Variants in RELCH observed in about 807,000 individuals in gnomAD.
RELCH encodes the protein RAB11 binding and LisH domain, coiled-coil and HEAT repeat containing.
Under a neutral mutation model 150.3 loss-of-function variants are expected in RELCH, and 41 were observed. The ratio of observed to expected loss-of-function variants is 0.27; its 90% CI spans 0.21 to 0.35. The LOEUF (loss-of-function observed/expected upper bound fraction) is 0.35. RELCH is among the 10% of genes least tolerant of loss of function. The pLI is 1.00. For synonymous variants in RELCH, 478 were observed against 531.8 expected, an observed-to-expected ratio of 0.90 and a Z score of 1.39; for missense variants, 1,092 against 1,467.8, an observed-to-expected ratio of 0.74 and a Z score of 4.18.
chr18:62,300,247 C>A (rs1308707815), intron 28 of RELCH: 1 of 152,154 alleles, frequency 6.6e-6, no homozygotes, highest in Non-Finnish European at 1.5e-5. Context: ...GGGTCTAGAT[C>A]TAGAGACTTA....
At chr18:62,283,302 T>C (rs1021166484) in intron 25 of RELCH, among the ~76,000 whole-genome samples, 6 of 152,212 alleles carry the variant, frequency 3.9e-5, no homozygotes, top group African/African-American at 1.2e-4. Context: ...AGAGTCTCTT[T>C]TACTGTGGGC....
intron 1 of RELCH, among the ~76,000 whole-genome samples, chr18:62,189,730 T>C (rs1225626013): frequency 1.3e-5 from 2 of 152,208 alleles, no homozygotes; most frequent in Non-Finnish European, 2.9e-5. Flanking sequence ...TTGCAAACTT[T>C]TTGTATTGAA....
chr18:62,263,880 G>T, intron 16 of RELCH, 109 bp from the exon 17 acceptor site: 1 of 720,470 alleles, frequency 1.4e-6, no homozygotes, highest in Non-Finnish European at 2.2e-6. Context: ...TTTACAATAA[G>T]AAAGTAATTA....
intron 19 of RELCH, among the ~76,000 whole-genome samples, chr18:62,267,484 ATGTGTG>A (rs36203741): frequency 0.024 from 3,196 of 135,700 alleles, 80 homozygotes; most frequent in African/African-American, 0.065. Context: ...CTAGGTATAT[ATGTGTG>A]TGTGTGTGTG....
intron 28 of RELCH, among the ~76,000 whole-genome samples, chr18:62,301,353 G>T (rs989602879): frequency 1.3e-5 from 2 of 152,182 alleles, no homozygotes; most frequent in Non-Finnish European, 2.9e-5. Context: ...AAACTTTTTT[G>T]TAGAGATAGT....
In RELCH at chr18:62,227,408, T is replaced by A. The variant is rs1344027802; in HGVS notation, c.978T>A (p.Ser326Arg). The change falls in exon 6 of 29, where the codon AGT becomes AGA. Residue 326 changes from serine to arginine, a missense_variant. Ser to Arg is a moderately radical substitution (Grantham distance 110). Around this residue, in one of 4 missense-constraint regions of RELCH, gnomAD observed 57 missense variants for 41.5 expected, o/e 1.37. Transcript: ENST00000644646. ...VTGKDLVDVA[S>R]GVEEDELEAL... Reference sequence around the variant, plus strand: ...GAAAAGATCTTGTAGATGTGGCCAGTGGAGTAGAAGAAGATGAATTAGAGG... The same window carrying A: ...GAAAAGATCTTGTAGATGTGGCCAGAGGAGTAGAAGAAGATGAATTAGAGG... 2 of 1,613,222 alleles carry A rather than the reference T, an allele frequency of 1.2e-6. No individual in the cohort carries two copies. The highest frequency in any genetic ancestry group is 1.3e-5 in the African/African-American group (1 of 74,960).
intron 14 of RELCH, 96 bp downstream of exon 14, chr18:62,258,184 T>A: frequency 8.6e-7 from 1 of 1,163,946 alleles, no homozygotes; most frequent in Non-Finnish European, 1.2e-6. Context: ...TAATGTATCA[T>A]AAGGATGGCA....
intron 10 of RELCH, among the ~76,000 whole-genome samples, chr18:62,240,269 A>G (rs780480667): frequency 2.0e-4 from 31 of 151,888 alleles, no homozygotes; most frequent in South Asian, 6.2e-4. Context: ...TCCATCCCCA[A>G]TTGTTTTCAG....
intron 16 of RELCH, among the ~76,000 whole-genome samples, chr18:62,262,975 C>T (rs1322626947): frequency 6.6e-6 from 1 of 151,974 alleles, no homozygotes; most frequent in Non-Finnish European, 1.5e-5. Flanking sequence ...TGTTTCTTGG[C>T]TTTTAGATGC....
At chr18:62,253,866 A>G (rs995258923) in intron 12 of RELCH, among the ~76,000 whole-genome samples, 15 of 152,156 alleles carry the variant, frequency 9.9e-5, no homozygotes, top group Admixed American at 9.2e-4. Context: ...ATAACTTTCA[A>G]TTTACAATTC....
intron 11 of RELCH, among the ~76,000 whole-genome samples, chr18:62,248,354 C>T (rs1349877132): frequency 1.3e-5 from 2 of 152,142 alleles, no homozygotes; most frequent in Non-Finnish European, 2.9e-5. Context: ...CCAGTAAACT[C>T]CCTCAACAGT....
rs1231924774 is a variant in RELCH at position 62,305,594 on chromosome 18, T to A, written c.*60T>A. ...GGACCTCAAGCCGACTGGTTCCTTG[T>A]ACTTGAAGTACTTGCCTTTTTTGTT... On this transcript the variant is annotated 3_prime_UTR_variant, in exon 29 of 29. Coordinates refer to ENST00000644646, the MANE Select transcript of RELCH (RefSeq NM_001346231.2). This position sits in a 1 kb window ranked among gnomAD's most constrained non-coding sequence, Gnocchi z 4.0. The A allele has an allele frequency of 3.3e-6, 5 of 1,498,638 alleles. No homozygotes were observed. Among genetic ancestry groups the A allele is most frequent in the Non-Finnish European group, 4.5e-6 (5 of 1,119,624 alleles). 92.8% of individuals were successfully genotyped at this position (1,498,638 alleles called of 1,614,324 possible).
At chr18:62,287,524 C>A in intron 26 of RELCH, 57 bp downstream of exon 26, 1 of 909,818 alleles carries the variant, frequency 1.1e-6, no homozygotes, top group Non-Finnish European at 1.8e-6. Context: ...TAGAGTGGAA[C>A]TTGGTTGGTA....
chr18:62,302,730 G>A (rs753140678), intron 28 of RELCH, among the ~76,000 whole-genome samples: 38 of 152,070 alleles, frequency 2.5e-4, no homozygotes, highest in Non-Finnish European at 4.4e-4. Context: ...TCACCATGTC[G>A]GCCAGGCTGG....
chr18:62,282,404 T>G lies in RELCH; in HGVS notation c.3213T>G (p.Gly1071=), dbSNP rs1462545503. The G allele has an allele frequency of 3.1e-6, 5 of 1,612,746 alleles. No individual in the cohort carries two copies. Among genetic ancestry groups the G allele is most frequent in the Non-Finnish European group, 4.2e-6 (5 of 1,179,634 alleles). ...SLHTEIIKTF[G]RVGPNAEPRF... The stretch of plus-strand genomic sequence containing the variant: ...ATACAGAGATCATAAAAACATTTGG[T>G]AGAGTTGGCCCTAACGCAGAACCCA... Residue 1071 remains glycine, a synonymous_variant, in exon 25 of 29, where the codon GGT becomes GGG. Coordinates refer to ENST00000644646, the MANE Select transcript of RELCH (RefSeq NM_001346231.2).
intron 1 of RELCH, among the ~76,000 whole-genome samples, chr18:62,190,000 C>T (rs1432820674): frequency 1.3e-5 from 2 of 152,080 alleles, no homozygotes; most frequent in African/African-American, 4.8e-5. Context: ...TAAATTTTTA[C>T]TTAATACTAA....
chr18:62,218,539 A>G (rs76494309), intron 2 of RELCH, among the ~76,000 whole-genome samples: 2,493 of 152,066 alleles, frequency 0.016, 32 homozygotes, highest in Non-Finnish European at 0.025. Flanking sequence ...TGAAAGCATA[A>G]TCTTTAAGCA....
At chr18:62,236,101 C>T (rs150767236) in intron 10 of RELCH, among the ~76,000 whole-genome samples, 3 of 151,958 alleles carry the variant, frequency 2.0e-5, no homozygotes, top group Middle Eastern at 3.4e-3. Flanking sequence ...TTTATAAATG[C>T]CCTTTGTCAT....
At chr18:62,219,325 CT>C (rs202196452) in intron 2 of RELCH, among the ~76,000 whole-genome samples, 28,174 of 113,040 alleles carry the variant, frequency 0.25, 2,454 homozygotes, top group African/African-American at 0.32. Flanking sequence ...TTCTTTTTTT[CT>C]TTTTTTTTTT....
Sources: gnomAD v4.1 joint callset for allele counts (sites outside exome capture counted in the v4.1 genomes callset) on GRCh38, gnomAD v4.1.1 for gene constraint, gnomAD v4.1.1 regional missense constraint, Gnocchi (gnomAD v3.1) non-coding constraint, MANE v1.5 for transcripts, NCBI Gene and HGNC (gene_info 2026-07-23, HGNC 2026-07-21) for gene names.